Variants in ENTPD1 observed in about 807,000 individuals in gnomAD.
ENTPD1 encodes the protein ATP diphosphohydrolase.
ENTPD1 carries 33 observed loss-of-function variants against 57.0 expected under a neutral mutation model. The ratio of observed to expected loss-of-function variants is 0.58; its 90% CI spans 0.44 to 0.77. ENTPD1 has a LOEUF of 0.77. Ranked by LOEUF, ENTPD1 falls within the 30% of genes least tolerant of loss-of-function variation. The pLI is 0.00. For missense variants in ENTPD1, 501 were observed against 603.4 expected, an observed-to-expected ratio of 0.83 and a Z score of 1.78; for synonymous variants, 202 against 218.8, an observed-to-expected ratio of 0.92 and a Z score of 0.68.
intron 1 of ENTPD1, among the ~76,000 whole-genome samples, chr10:95,739,660 T>G (rs1224011901): frequency 6.6e-6 from 1 of 152,208 alleles, no homozygotes; most frequent in Non-Finnish European, 1.5e-5. Context: ...AAGTCATCTA[T>G]AAGGGCTGGA....
chr10:95,839,433 A>G (rs2098418020), intron 2 of ENTPD1: 1 of 492,902 alleles, frequency 2.0e-6, no homozygotes, highest in Non-Finnish European at 3.7e-6. Context: ...GAAGCTTCTA[A>G]ACAATACTGC....
chr10:95,841,381 C>T (rs1278931548), intron 3 of ENTPD1, among the ~76,000 whole-genome samples: 2 of 142,172 alleles, frequency 1.4e-5, no homozygotes, highest in Non-Finnish European at 3.0e-5. Context: ...AGCAAGACTC[C>T]GTCTCAAAAA....
At chr10:95,789,210 C>T (rs923766099) in intron 1 of ENTPD1, among the ~76,000 whole-genome samples, 1 of 152,106 alleles carries the variant, frequency 6.6e-6, no homozygotes, top group African/African-American at 2.4e-5. Flanking sequence ...GAGCCCTTGA[C>T]TTTTCTAAAT....
intron 1 of ENTPD1, among the ~76,000 whole-genome samples, chr10:95,818,803 GTCT>G (rs1445532649): frequency 6.6e-6 from 1 of 152,208 alleles, no homozygotes; most frequent in African/African-American, 2.4e-5. Context: ...ATTAGGACCA[GTCT>G]TCTGAGCTTC....
upstream of ENTPD1, among the ~76,000 whole-genome samples, chr10:95,711,347 T>C (rs1229197207): frequency 6.6e-6 from 1 of 152,144 alleles, no homozygotes; most frequent in Non-Finnish European, 1.5e-5. Flanking sequence ...TCAAGAAGAA[T>C]CTAGATAGAC....
At chr10:95,701,750 A>G in the ENTPD1 span, among the ~76,000 whole-genome samples, 1 of 152,182 alleles carries the variant, frequency 6.6e-6, no homozygotes, top group Non-Finnish European at 1.5e-5. Context: ...GCCACAATGC[A>G]TTAAAATTAG....
At chr10:95,719,309 C>G (rs7919773) in intron 1 of ENTPD1, among the ~76,000 whole-genome samples, 127,980 of 152,148 alleles carry the variant, frequency 0.84, 54,384 homozygotes, top group Non-Finnish European at 0.91. Flanking sequence ...ACTGGGGCTT[C>G]GGTTAGGGCC....
rs559091975 is a variant in ENTPD1, at chr10:95,868,306, T to C, written c.*1923T>C. 2.7e-5 allele frequency: 27 copies of C among 985,416 alleles called. No individual in the cohort carries two copies. In the South Asian group the frequency reaches 9.9e-4, roughly 36 times the overall value. The allele number at this position is 985,416 out of a possible 1,614,324, so 61.0% of individuals were successfully genotyped here. ...CTTAAAACTCCACATGAATACAAGG[T>C]TCATGGGACTTGGTATTCATAGAAA... On this transcript the variant is annotated 3_prime_UTR_variant, in exon 10 of 10. Coordinates refer to ENST00000371205, the MANE Select transcript of ENTPD1 (RefSeq NM_001776.6).
chr10:95,784,609 TG>T (rs1443864526), intron 1 of ENTPD1, among the ~76,000 whole-genome samples: 1 of 152,192 alleles, frequency 6.6e-6, no homozygotes, highest in African/African-American at 2.4e-5. Flanking sequence ...CCACTGCCTT[TG>T]TCTTGCTGTT....
At chr10:95,805,126 G>A (rs1169781273) in intron 1 of ENTPD1, among the ~76,000 whole-genome samples, 1 of 152,132 alleles carries the variant, frequency 6.6e-6, no homozygotes, top group Non-Finnish European at 1.5e-5. Context: ...GGGAGTCTAA[G>A]TCTCTTTGTA....
intron 1 of ENTPD1, among the ~76,000 whole-genome samples, chr10:95,763,894 G>T (rs1455670443): frequency 6.6e-6 from 1 of 152,180 alleles, no homozygotes; most frequent in Non-Finnish European, 1.5e-5. Flanking sequence ...ATCCAAGGAG[G>T]TTGGTATTAT....
chr10:95,705,524 G>A, the ENTPD1 span, among the ~76,000 whole-genome samples: 1 of 152,110 alleles, frequency 6.6e-6, no homozygotes, highest in South Asian at 2.1e-4. Context: ...CAGAGTGTAA[G>A]TCTGTCACCC....
chr10:95,836,525 G>A (rs1034645457), intron 2 of ENTPD1, among the ~76,000 whole-genome samples: 9 of 152,046 alleles, frequency 5.9e-5, no homozygotes, highest in African/African-American at 2.2e-4. Flanking sequence ...AAATGATCCC[G>A]AGGGAGTGTC....
At chr10:95,774,512 G>A (rs1283720236) in intron 1 of ENTPD1, among the ~76,000 whole-genome samples, 3 of 152,180 alleles carry the variant, frequency 2.0e-5, no homozygotes, top group African/African-American at 7.2e-5. Context: ...TTTGTATAAG[G>A]TGTAAGGAAG....
intron 1 of ENTPD1, among the ~76,000 whole-genome samples, chr10:95,719,389 G>C (rs1589640293): frequency 1.3e-5 from 2 of 152,310 alleles, no homozygotes; most frequent in East Asian, 3.9e-4. Flanking sequence ...GGCTTTCTGA[G>C]TTTCCTTAAT....
rs75745138 is a variant in ENTPD1 at position 95,756,521 on chromosome 10, GT to G, written c.16+273del. 0.52 allele frequency: 246,032 copies of G among 469,384 alleles called. 67,036 individuals carry two copies. The highest frequency in any genetic ancestry group is 0.64 in the Admixed American group (17,575 of 27,536). 29.1% of individuals were successfully genotyped at this position (469,384 alleles called of 1,614,324 possible). A position where few individuals can be genotyped will look rare whatever the true frequency, so the allele number is the denominator to read the frequency against. ...CATTATCAATTTGTATTCAGAGTTG[GT>G]TTTTTTAGAGGCAAATGACTTTTTC... is the stretch of plus-strand genomic sequence containing the variant. On this transcript the variant is annotated intron_variant, in intron 1 of 9. Coordinates refer to ENST00000371205, the MANE Select transcript of ENTPD1 (RefSeq NM_001776.6).
chr10:95,757,881 T>A (rs1278636301), intron 1 of ENTPD1, among the ~76,000 whole-genome samples: 1 of 151,490 alleles, frequency 6.6e-6, no homozygotes, highest in Non-Finnish European at 1.5e-5. Context: ...GGTGTGCGCC[T>A]GTAGTCCCAG....
At chr10:95,745,085 T>C (rs2098004600) in intron 1 of ENTPD1, among the ~76,000 whole-genome samples, 1 of 152,218 alleles carries the variant, frequency 6.6e-6, no homozygotes, top group Non-Finnish European at 1.5e-5. Context: ...AAAATGAGTA[T>C]CTTTGACCTT....
At chr10:95,827,308 A>G (rs1157725705) in intron 2 of ENTPD1, among the ~76,000 whole-genome samples, 1 of 152,088 alleles carries the variant, frequency 6.6e-6, no homozygotes, top group East Asian at 2.0e-4. Context: ...AAAAAAAATT[A>G]GCCGGGCGTG....
Sources: allele counts gnomAD v4.1 joint callset (sites outside exome capture counted in the v4.1 genomes callset), GRCh38; gene constraint gnomAD v4.1.1; transcripts MANE v1.5; gene names NCBI Gene and HGNC (gene_info 2026-07-23, HGNC 2026-07-21).